TRAF3IP3: variants seen among roughly 807,000 people sequenced by gnomAD.
TRAF3IP3 encodes the protein TRAF3 interacting protein 3.
TRAF3IP3 carries 64 observed loss-of-function variants against 86.5 expected under a neutral mutation model. The ratio of observed to expected loss-of-function variants is 0.74; its 90% CI spans 0.60 to 0.91. The LOEUF (loss-of-function observed/expected upper bound fraction) is 0.91, where lower values mean the gene tolerates loss of function less well. Ranked by LOEUF, TRAF3IP3 falls within the 40% of genes least tolerant of loss-of-function variation. The pLI, the probability that TRAF3IP3 is intolerant of heterozygous loss-of-function variation, is 0.00. For synonymous variants in TRAF3IP3, 220 were observed against 243.9 expected, an observed-to-expected ratio of 0.90 and a Z score of 0.91; for missense variants, 579 against 642.9, an observed-to-expected ratio of 0.90 and a Z score of 1.07.
Position 209,782,166 on chromosome 1 carries a change from C to T in TRAF3IP3, c.*18C>T. The T allele has an allele frequency of 6.2e-7, 1 of 1,600,052 alleles. No individual in the cohort carries two copies. The highest frequency in any genetic ancestry group is 8.6e-7 in the Non-Finnish European group (1 of 1,167,262). On this transcript the variant is annotated 3_prime_UTR_variant, in exon 17 of 17. Transcript: ENST00000367025. ...TGATCTGAATAATTTGTGACAACTGCCTTGGGTGAAAATCAGAAGCAAGCA... is the reference window on the plus strand; with the variant it reads ...TGATCTGAATAATTTGTGACAACTGTCTTGGGTGAAAATCAGAAGCAAGCA...
chr1:209,771,739 G>A (rs1338848902), intron 8 of TRAF3IP3, among the ~76,000 whole-genome samples: 1 of 141,084 alleles, frequency 7.1e-6, no homozygotes, highest in Non-Finnish European at 1.5e-5. Flanking sequence ...GTGTGCATGT[G>A]GAGGTGTGTG....
At chr1:209,770,362 G>A (rs979282146) in intron 8 of TRAF3IP3, among the ~76,000 whole-genome samples, 1 of 151,476 alleles carries the variant, frequency 6.6e-6, no homozygotes, top group Admixed American at 6.6e-5. Context: ...TGTATGTCCA[G>A]ATGGAATTGT....
At position 209,762,845 on chromosome 1, in the gene TRAF3IP3, A is replaced by G. The variant is rs1247786471; in HGVS notation, c.526A>G (p.Lys176Glu). The G allele has an allele frequency of 2.5e-6, 4 of 1,614,030 alleles. No homozygotes were observed. The highest frequency in any genetic ancestry group is 1.6e-4 in the Middle Eastern group (1 of 6,084). The change falls in exon 5 of 17, where the codon AAG becomes GAG. Residue 176 changes from lysine (K) to glutamate (E), a missense_variant. By Grantham distance (56) the Lys-to-Glu change is moderately conservative. Transcript: ENST00000367025. The stretch of plus-strand genomic sequence containing the variant: ...GACAAAGGCAGAAGGACCAACAATT[A>G]AGAACGATGCCAGTCAGCAAACCAA... Reference protein sequence around the residue: ...TQTKAEGPTIKNDASQQTNYG... With the variant: ...TQTKAEGPTIENDASQQTNYG...
chr1:209,763,225 C>A, intron 6 of TRAF3IP3, 133 bp downstream of exon 6: 1 of 1,370,890 alleles, frequency 7.3e-7, no homozygotes, highest in Non-Finnish European at 1.0e-6. Flanking sequence ...TGAGCATAGA[C>A]ATGGGGACTA....
intron 8 of TRAF3IP3, chr1:209,768,287 G>T: frequency 1.0e-6 from 1 of 985,346 alleles, no homozygotes; most frequent in Non-Finnish European, 1.2e-6. Context: ...AGCTCCCTCC[G>T]CTGGCTTCAC....
intron 8 of TRAF3IP3, among the ~76,000 whole-genome samples, chr1:209,766,821 G>A (rs915441246): frequency 2.6e-5 from 4 of 152,194 alleles, no homozygotes; most frequent in Non-Finnish European, 5.9e-5. Context: ...CTGAGATTGT[G>A]CCACTGCACT....
At chr1:209,764,419 A>G (rs10863786) in intron 8 of TRAF3IP3, among the ~76,000 whole-genome samples, 54,362 of 152,068 alleles carry the variant, frequency 0.36, 12,455 homozygotes, top group African/African-American at 0.65. Flanking sequence ...GGAAGAAGGA[A>G]TAGTATTTTA....
At chr1:209,761,679 G>C (rs1200734472) in intron 3 of TRAF3IP3, among the ~76,000 whole-genome samples, 3 of 152,252 alleles carry the variant, frequency 2.0e-5, no homozygotes, top group Admixed American at 2.0e-4. Context: ...GTTACTAAGA[G>C]AAAGGAGGCT....
intron 9 of TRAF3IP3, among the ~76,000 whole-genome samples, chr1:209,774,183 C>T (rs1214967836): frequency 2.0e-5 from 3 of 152,196 alleles, no homozygotes; most frequent in African/African-American, 7.2e-5. Flanking sequence ...GCAAGACCCC[C>T]AGTGAATTTG....
rs2076152 is a variant in TRAF3IP3 at position 209,762,715 on chromosome 1, A to T, written c.493+53A>T. ...AGGGCCTGCAGAGAATCCTGAGACA[A>T]CTGTCCCAGCTCACTGGCAATGGAG... On this transcript the variant is annotated intron_variant, in intron 4 of 16. Transcript: ENST00000367025. The T allele has an allele frequency of 9.7e-6, 12 of 1,233,782 alleles. 2 individuals are homozygous for T. Among genetic ancestry groups the T allele is most frequent in the Non-Finnish European group, 8.5e-6 (8 of 940,838 alleles). 76.4% of individuals were successfully genotyped at this position (1,233,782 alleles called of 1,614,324 possible). A position where few individuals can be genotyped will look rare whatever the true frequency, so the allele number is the denominator to read the frequency against.
chr1:209,762,279 G>A (rs2077259802), intron 3 of TRAF3IP3, among the ~76,000 whole-genome samples: 1 of 152,052 alleles, frequency 6.6e-6, no homozygotes, highest in South Asian at 2.1e-4. Context: ...TTCTAATAAT[G>A]GCACTAATCC....
chr1:209,773,170 C>A (rs1337168158), intron 9 of TRAF3IP3, 151 bp downstream of exon 9: 14 of 650,570 alleles, frequency 2.2e-5, no homozygotes, highest in Non-Finnish European at 3.3e-5. Flanking sequence ...GCCATTTACA[C>A]TTTAGTCTCT....
intron 3 of TRAF3IP3, among the ~76,000 whole-genome samples, chr1:209,761,543 C>T (rs1313553129): frequency 2.6e-5 from 4 of 152,104 alleles, no homozygotes; most frequent in Admixed American, 2.6e-4. Context: ...ATAGGAGATG[C>T]TGTTCAGAGA....
In TRAF3IP3 at chr1:209,781,423, GAA is replaced by G. The variant is rs1248965675; in HGVS notation, c.1529_1530del (p.Glu510GlyfsTer36). On this transcript the variant is annotated frameshift_variant, in exon 16 of 17. Coordinates refer to ENST00000367025, the MANE Select transcript of TRAF3IP3 (RefSeq NM_025228.4). LOFTEE classifies it high-confidence loss of function. ...SCLRKLQHCR[E>X]ELNQSQQLPP... ...CCTGCGTAAGCTGCAGCACTGTCGA[GAA>G]GAGCTGAACCAGAGCCAGCAGCTGC... 3 of 1,613,332 alleles carry G rather than the reference GAA, an allele frequency of 1.9e-6. No individual in the cohort carries two copies.
chr1:209,765,201 GA>G (rs1335936286), intron 8 of TRAF3IP3, among the ~76,000 whole-genome samples: 50 of 139,130 alleles, frequency 3.6e-4, no homozygotes, highest in Non-Finnish European at 5.5e-4. Flanking sequence ...GAGAGAGAGA[GA>G]GAGAGAGAGA....
chr1:209,760,173 T>C lies in TRAF3IP3; in HGVS notation c.134T>C (p.Val45Ala). 6.2e-7 allele frequency: 1 copy of C among 1,614,102 alleles called. No homozygotes were observed. Among genetic ancestry groups the C allele is most frequent in the Non-Finnish European group, 8.5e-7 (1 of 1,180,010 alleles). Residue 45 changes from valine to alanine, a missense_variant, in exon 3 of 17, where the codon GTG becomes GCG. Val to Ala is a moderately conservative substitution (Grantham distance 64, BLOSUM62 0). Coordinates refer to ENST00000367025, the MANE Select transcript of TRAF3IP3 (RefSeq NM_025228.4). ...CRPNVTTCRQ[V>A]GKTLRIQQRE... ...CCCAATGTGACCACTTGCCGCCAGG[T>C]GGGGAAGACGCTGAGGATCCAACAG...
chr1:209,772,133 G>A (rs2077556704), intron 8 of TRAF3IP3, among the ~76,000 whole-genome samples: 2 of 151,966 alleles, frequency 1.3e-5, no homozygotes, highest in African/African-American at 4.8e-5. Flanking sequence ...AATCTCCTAG[G>A]GCTGCTATGA....
chr1:209,773,989 A>T (rs1316027559), intron 9 of TRAF3IP3, among the ~76,000 whole-genome samples: 1 of 152,216 alleles, frequency 6.6e-6, no homozygotes, highest in Non-Finnish European at 1.5e-5. Flanking sequence ...AAACTATAAG[A>T]CCCACTCAAA....
chr1:209,774,492 C>T (rs2077612093), intron 9 of TRAF3IP3, among the ~76,000 whole-genome samples: 1 of 152,142 alleles, frequency 6.6e-6, no homozygotes, highest in African/African-American at 2.4e-5. Context: ...GTCAATTTAT[C>T]AGAACTGATG....
Sources: allele counts gnomAD v4.1 joint callset (sites outside exome capture counted in the v4.1 genomes callset), GRCh38; gene constraint gnomAD v4.1.1; transcripts MANE v1.5; gene names NCBI Gene and HGNC (gene_info 2026-07-23, HGNC 2026-07-21).